Variants in ORC1 observed in about 807,000 individuals in gnomAD.
The protein encoded by ORC1 is origin recognition complex subunit 1, also known as origin recognition complex, subunit 1 homolog.
A neutral mutation model predicts 98.9 loss-of-function variants in ORC1; 61 were observed. That is an observed-to-expected ratio of 0.62 (90% CI 0.50 to 0.76). ORC1 has a LOEUF of 0.76. ORC1 is among the 30% of genes least tolerant of loss of function. The probability of loss-of-function intolerance (pLI) is 0.00; values close to 1 mark genes in which losing one functional copy is unlikely to be tolerated. For synonymous variants in ORC1, 385 were observed against 406.9 expected (o/e 0.95, Z 0.65); for missense variants, 979 against 1,072.2 (o/e 0.91, Z 1.21).
chr1:52,381,214 G>T (rs960725230), intron 14 of ORC1, among the ~76,000 whole-genome samples: 1 of 152,120 alleles, frequency 6.6e-6, no homozygotes, highest in Non-Finnish European at 1.5e-5. Flanking sequence ...GCATGTAATA[G>T]ACATGATATT....
Position 52,396,159 on chromosome 1 carries a change from G to A in ORC1, c.608C>T (p.Thr203Ile), listed in dbSNP as rs202095223. The A allele has an allele frequency of 7.2e-5, 117 of 1,613,986 alleles. No individual in the cohort carries two copies. The Middle Eastern group carries it at 1.3e-3, about 18-fold the overall frequency. ...KSKSAESPSW[T>I]PAEHVAKRIE... is the part of the protein sequence containing the mutation. ...CCTTTTGGCCACATGTTCTGCTGGG[G>A]TCCAAGAAGGGCTCTCTGCACTCTT... is the stretch of plus-strand genomic sequence containing the variant. The change falls in exon 5 of 17, where the codon ACC becomes ATC. Residue 203 changes from threonine (T) to isoleucine (I), a missense_variant. Coordinates refer to ENST00000371568, the MANE Select transcript of ORC1 (RefSeq NM_004153.4).
chr1:52,377,703 CAAAAAAAAAAA>C (rs58266239), intron 14 of ORC1, among the ~76,000 whole-genome samples: 1 of 58,774 alleles, frequency 1.7e-5, no homozygotes, highest in Non-Finnish European at 3.6e-5. Flanking sequence ...CCCCTAGAAG[CAAAAAAAAAAA>C]AAAAAAAAAA....
chr1:52,408,490 T>C (rs751502225), upstream of ORC1: 4 of 1,583,982 alleles, frequency 2.5e-6, no homozygotes, highest in Non-Finnish European at 1.7e-6. Context: ...GTTTATCCAC[T>C]ACTGTCATGA....
chr1:52,403,332 T>C (rs1647820954), intron 1 of ORC1, among the ~76,000 whole-genome samples: 1 of 152,244 alleles, frequency 6.6e-6, no homozygotes, highest in African/African-American at 2.4e-5. Flanking sequence ...TAAGGTACAG[T>C]GGTTTTATTT....
At position 52,388,643 on chromosome 1, in the gene ORC1, T is replaced by C; in HGVS notation, c.1188-6A>G. 1.9e-6 allele frequency: 3 copies of C among 1,610,670 alleles called. No homozygotes were observed. Among genetic ancestry groups the C allele is most frequent in the Admixed American group, 3.3e-5 (2 of 60,030 alleles). The stretch of plus-strand genomic sequence containing the variant: ...TTTTACTATTACCTAGAAACCTGAA[T>C]GGTAGGGACATATTTTTTGATACTC... On this transcript the variant is annotated splice_region_variant and splice_polypyrimidine_tract_variant and intron_variant, in intron 7 of 16. Coordinates refer to ENST00000371568, the MANE Select transcript of ORC1 (RefSeq NM_004153.4).
chr1:52,375,493 G>A lies in ORC1; in HGVS notation c.2240C>T (p.Thr747Ile), dbSNP rs764625964. 3.1e-6 allele frequency: 5 copies of A among 1,614,024 alleles called. No individual in the cohort carries two copies. Among genetic ancestry groups the A allele is most frequent in the Non-Finnish European group, 3.4e-6 (4 of 1,180,026 alleles). The change falls in exon 15 of 17, where the codon ACC (threonine) becomes ATC (isoleucine). Residue 747 changes from threonine (T) to isoleucine (I), a missense_variant. By Grantham distance (89) the Thr-to-Ile change is moderately conservative (BLOSUM62 -1). Coordinates refer to ENST00000371568, the MANE Select transcript of ORC1 (RefSeq NM_004153.4). ...CACAGCTTCCATTGAGTGGGCTATG[G>A]TGACCAGGCCAGGGGAGTCAGGCTT... ...QQKPDSPGLVTIAHSMEAVDE... is the reference protein window; with the variant it reads ...QQKPDSPGLVIIAHSMEAVDE...
chr1:52,405,728 T>C (rs1349599011), upstream of ORC1: 3 of 1,613,856 alleles, frequency 1.9e-6, no homozygotes, highest in Non-Finnish European at 2.5e-6. Context: ...GTGGGTGGCG[T>C]CTATGGTGGC....
Position 52,396,169 on chromosome 1 carries a change from G to C in ORC1, c.598C>G (p.Pro200Ala). 6.2e-7 allele frequency: 1 copy of C among 1,614,062 alleles called. No homozygotes were observed. Among genetic ancestry groups the C allele is most frequent in the Middle Eastern group, 1.7e-4 (1 of 6,060 alleles). Residue 200 changes from proline to alanine, a missense_variant, in exon 5 of 17, where the codon CCT (proline) becomes GCT (alanine). Transcript: ENST00000371568. ...VRAKSKSAES[P>A]SWTPAEHVAK... ...ACATGTTCTGCTGGGGTCCAAGAAG[G>C]GCTCTCTGCACTCTTACTCTTGGCT...
intron 14 of ORC1, among the ~76,000 whole-genome samples, chr1:52,376,218 A>G (rs1397843647): frequency 6.6e-6 from 1 of 152,154 alleles, no homozygotes; most frequent in Non-Finnish European, 1.5e-5. Context: ...CTAAAAACAC[A>G]AAAATTAGCC....
Position 52,393,566 on chromosome 1 carries a change from G to A in ORC1, c.959C>T (p.Thr320Ile). 2 of 1,614,100 alleles carry A rather than the reference G, an allele frequency of 1.2e-6. No individual in the cohort carries two copies. Among genetic ancestry groups the A allele is most frequent in the Non-Finnish European group, 1.7e-6 (2 of 1,180,022 alleles). ...ASPEHRIILR[T>I]RIAASKTIDI... ...TATGGTTTTCGAAGCTGCAATTCGGGTTCTCAGGATTATGCGATGTTCAGG... is the reference window on the plus strand; with the variant it reads ...TATGGTTTTCGAAGCTGCAATTCGGATTCTCAGGATTATGCGATGTTCAGG... The change falls in exon 6 of 17, where the codon ACC (threonine) becomes ATC (isoleucine). Residue 320 changes from threonine to isoleucine, a missense_variant. Thr to Ile is a moderately conservative substitution (Grantham distance 89). Coordinates refer to ENST00000371568, the MANE Select transcript of ORC1 (RefSeq NM_004153.4).
chr1:52,404,742 A>G (rs1361396638), upstream of ORC1: 4 of 1,612,120 alleles, frequency 2.5e-6, no homozygotes, highest in South Asian at 1.1e-5. Flanking sequence ...AATTGAAGGC[A>G]TTCTAAAATG....
chr1:52,404,557 C>G (rs1004375895), upstream of ORC1: 2 of 544,982 alleles, frequency 3.7e-6, no homozygotes, highest in African/African-American at 3.8e-5. Context: ...AACATGCAGC[C>G]GCCATCATTG....
chr1:52,386,568 C>T (rs1022153181), intron 8 of ORC1, among the ~76,000 whole-genome samples: 1 of 152,214 alleles, frequency 6.6e-6, no homozygotes, highest in African/African-American at 2.4e-5. Flanking sequence ...GCATTCCCTT[C>T]TATGGGGCAT....
At chr1:52,406,146 G>A (rs529991852), upstream of ORC1, among the ~76,000 whole-genome samples, 11 of 151,868 alleles carry the variant, frequency 7.2e-5, no homozygotes, top group African/African-American at 2.7e-4. Context: ...GTGCCATCAC[G>A]CCTGGCTAAT....
upstream of ORC1, among the ~76,000 whole-genome samples, chr1:52,406,243 G>A (rs1057158398): frequency 4.0e-5 from 6 of 151,498 alleles, no homozygotes; most frequent in African/African-American, 2.4e-5. Flanking sequence ...CTCCCCCCCC[G>A]GGCCTCCCAG....
upstream of ORC1, chr1:52,408,198 C>T: frequency 2.8e-6 from 1 of 360,274 alleles, no homozygotes; most frequent in East Asian, 7.4e-5. Flanking sequence ...CAAGATCGTG[C>T]CACTGCACTG....
intron 3 of ORC1, among the ~76,000 whole-genome samples, chr1:52,401,019 A>G (rs2147947042): frequency 6.6e-6 from 1 of 152,342 alleles, no homozygotes; most frequent in Middle Eastern, 3.4e-3. Context: ...CCAAAACTAA[A>G]GGACACATCT....
intron 12 of ORC1, 50 bp downstream of exon 12, chr1:52,383,780 T>A (rs1369866813): frequency 6.7e-7 from 1 of 1,498,926 alleles, no homozygotes; most frequent in African/African-American, 1.4e-5. Context: ...CAGCACTTGC[T>A]CCTGAGGTAC....
chr1:52,384,569 A>G lies in ORC1; in HGVS notation c.1736T>C (p.Val579Ala), dbSNP rs763057215. The change falls in exon 11 of 17, where the codon GTC becomes GCC. Residue 579 changes from valine to alanine, a missense_variant. Coordinates refer to ENST00000371568, the MANE Select transcript of ORC1 (RefSeq NM_004153.4). Reference sequence around the variant, plus strand: ...GCTTACCTGCAAGATTTGCACATAGACTTGGTGGGGCTCCGTCAGCTTCAT... The same window carrying G: ...GCTTACCTGCAAGATTTGCACATAGGCTTGGTGGGGCTCCGTCAGCTTCAT... ...NGMKLTEPHQ[V>A]YVQILQKLTG... 54 of 1,613,972 alleles carry G rather than the reference A, an allele frequency of 3.3e-5. No homozygotes were observed. The highest frequency in any genetic ancestry group is 8.5e-7 in the Non-Finnish European group (1 of 1,180,008).
Sources: allele counts gnomAD v4.1 joint callset (sites outside exome capture counted in the v4.1 genomes callset), GRCh38; gene constraint gnomAD v4.1.1; transcripts MANE v1.5; gene names NCBI Gene and HGNC (gene_info 2026-07-23, HGNC 2026-07-21).